Variants in NELL1 observed in about 807,000 individuals in gnomAD.
NELL1 encodes neural EGFL like 1.
Under a neutral mutation model 107.4 loss-of-function variants are expected in NELL1, and 76 were observed. The ratio of observed to expected loss-of-function variants is 0.71; its 90% CI spans 0.59 to 0.86. The LOEUF (loss-of-function observed/expected upper bound fraction) is 0.86. Among genes scored for constraint, NELL1 ranks in the 40% least tolerant of loss-of-function variants. The probability of loss-of-function intolerance (pLI) is 0.00; values close to 1 mark genes in which losing one functional copy is unlikely to be tolerated. For missense variants in NELL1, 1,024 were observed against 1,005.5 expected, an observed-to-expected ratio of 1.02 and a Z score of -0.25; for synonymous variants, 353 against 341.2, an observed-to-expected ratio of 1.03 and a Z score of -0.38.
At chr11:21,551,471 T>C (rs1856581616) in intron 16 of NELL1, among the ~76,000 whole-genome samples, 1 of 151,950 alleles carries the variant, frequency 6.6e-6, no homozygotes, top group African/African-American at 2.4e-5. Flanking sequence ...TGATATTGGC[T>C]GTAAGGACAT....
chr11:20,672,972 C>A lies in NELL1; in HGVS notation c.55+3194C>A, dbSNP rs367616230. On this transcript the variant is annotated intron_variant, in intron 1 of 19. Transcript: ENST00000357134. ...GTTTAAGTGATTCTCCTGCCTCAGC[C>A]CCCCCCCCCCCCCCCGAGTAGCTGG... Among the ~76,000 whole-genome samples the A allele has an allele frequency of 9.4e-3, 159 of 16,990 alleles. 1 individual carries two copies. Among genetic ancestry groups the A allele is most frequent in the African/African-American group, 0.057 (121 of 2,130 alleles). The allele number at this position is 16,990 out of a possible 152,430, so 11.1% of individuals were successfully genotyped here.
At chr11:20,741,821 G>T (rs74776516) in intron 2 of NELL1, among the ~76,000 whole-genome samples, 7,851 of 152,244 alleles carry the variant, frequency 0.052, 268 homozygotes, top group Non-Finnish European at 0.077. Context: ...TGATGAATAC[G>T]TAATTCTGTG....
At chr11:20,817,499 C>A (rs1287779586) in intron 3 of NELL1, among the ~76,000 whole-genome samples, 1 of 151,996 alleles carries the variant, frequency 6.6e-6, no homozygotes, top group Non-Finnish European at 1.5e-5. Flanking sequence ...CTTGTGATTT[C>A]TGTTTGTGCT....
chr11:20,847,434 A>T, intron 3 of NELL1, 149 bp from the exon 4 acceptor site: 1 of 728,342 alleles, frequency 1.4e-6, no homozygotes, highest in Non-Finnish European at 2.2e-6. Context: ...TGGGTGTCCT[A>T]CAGTGAATTG....
At chr11:21,072,513 C>T (rs922051088) in intron 12 of NELL1, among the ~76,000 whole-genome samples, 1 of 152,162 alleles carries the variant, frequency 6.6e-6, no homozygotes, top group Middle Eastern at 3.2e-3. Context: ...GAGCATTCTT[C>T]ATGCTGCAAG....
chr11:20,691,964 C>T (rs577874299), intron 2 of NELL1, among the ~76,000 whole-genome samples: 76 of 152,156 alleles, frequency 5.0e-4, no homozygotes, highest in African/African-American at 1.8e-3. Flanking sequence ...ATTTCAGATC[C>T]TGTTATTGGT....
At chr11:21,028,839 C>T (rs1852883948) in intron 12 of NELL1, among the ~76,000 whole-genome samples, 1 of 152,084 alleles carries the variant, frequency 6.6e-6, no homozygotes, top group Admixed American at 6.6e-5. Flanking sequence ...TTTTATTTCT[C>T]TTAATTTAAA....
intron 15 of NELL1, among the ~76,000 whole-genome samples, chr11:21,510,314 G>A (rs949769455): frequency 5.3e-5 from 8 of 152,194 alleles, no homozygotes; most frequent in African/African-American, 1.9e-4. Flanking sequence ...GGGGAGCACA[G>A]AATCCAAATG....
At chr11:21,497,740 C>T (rs1394644770) in intron 15 of NELL1, among the ~76,000 whole-genome samples, 1 of 151,902 alleles carries the variant, frequency 6.6e-6, no homozygotes, top group African/African-American at 2.4e-5. Context: ...ACATTTAGAT[C>T]TATCCAGTTC....
chr11:21,035,700 G>T (rs1853074612), intron 12 of NELL1, among the ~76,000 whole-genome samples: 1 of 152,042 alleles, frequency 6.6e-6, no homozygotes. Context: ...ATGTTAAAAA[G>T]TCTCTATAAA....
intron 14 of NELL1, among the ~76,000 whole-genome samples, chr11:21,247,283 A>G (rs995283822): frequency 3.3e-5 from 5 of 152,208 alleles, no homozygotes; most frequent in African/African-American, 1.2e-4. Flanking sequence ...TTAGCTTATT[A>G]TACCTTTTTT....
At position 21,371,899 on chromosome 11, in the gene NELL1, C is replaced by T. The variant is rs569713195; in HGVS notation, c.1645+951C>T. On this transcript the variant is annotated intron_variant, in intron 15 of 19. Transcript: ENST00000357134. ...TTTAGAAGCTTCTGAATTTAGATAA[C>T]ATTTTTTTATGTGCCCATTTATTAT... Among the ~76,000 whole-genome samples the T allele has an allele frequency of 4.9e-4, 74 of 152,072 alleles. 1 individual carries two copies. Among genetic ancestry groups the T allele is most frequent in the African/African-American group, 1.5e-3 (64 of 41,526 alleles).
In NELL1 at chr11:20,963,481, CAAAATAGGGTTTTAACCCTATTCAAT is replaced by C. The variant is rs768925205; in HGVS notation, c.1300+2936_1300+2961del. 1.9e-3 allele frequency among the ~76,000 whole-genome samples: 283 copies of C among 152,172 alleles called. 1 individual carries two copies. Among genetic ancestry groups the C allele is most frequent in the Middle Eastern group, 0.01 (3 of 294 alleles). Reference sequence around the variant, plus strand: ...ACCAAAAGAGCTTTGCTGGTTACAACAAAATAGGGTTTTAACCCTATTCAATAAAATAGGGTTTTAGCAACCATTCT... The same window carrying C: ...ACCAAAAGAGCTTTGCTGGTTACAACAAAATAGGGTTTTAGCAACCATTCT... On this transcript the variant is annotated intron_variant, in intron 12 of 19. Coordinates refer to ENST00000357134, the MANE Select transcript of NELL1 (RefSeq NM_006157.5).
At chr11:20,818,793 T>A (rs1248722156) in intron 3 of NELL1, among the ~76,000 whole-genome samples, 2 of 152,164 alleles carry the variant, frequency 1.3e-5, no homozygotes, top group Admixed American at 1.3e-4. Context: ...ATTAAATACA[T>A]TTGGGAAGCA....
intron 4 of NELL1, among the ~76,000 whole-genome samples, chr11:20,884,994 C>A (rs903234013): frequency 6.6e-6 from 1 of 152,164 alleles, no homozygotes; most frequent in Admixed American, 6.5e-5. Context: ...CCTAAAGAAA[C>A]CGAAGTCGGA....
At chr11:20,990,821 G>C (rs1348568905) in intron 12 of NELL1, among the ~76,000 whole-genome samples, 1 of 152,118 alleles carries the variant, frequency 6.6e-6, no homozygotes. Flanking sequence ...TGAGTACTTG[G>C]CTTCATTTCA....
At chr11:21,510,662 G>A (rs1855412768) in intron 15 of NELL1, among the ~76,000 whole-genome samples, 1 of 152,112 alleles carries the variant, frequency 6.6e-6, no homozygotes. Context: ...CTGTGACTGA[G>A]GTCCCTTTTT....
chr11:20,933,918 GC>G (rs1850669213), intron 9 of NELL1, among the ~76,000 whole-genome samples: 1 of 152,174 alleles, frequency 6.6e-6, no homozygotes, highest in Non-Finnish European at 1.5e-5. Context: ...GTGTGTTGGT[GC>G]TAGGTTTCAA....
intron 15 of NELL1, among the ~76,000 whole-genome samples, chr11:21,421,061 G>A (rs572956495): frequency 9.1e-4 from 139 of 152,234 alleles, no homozygotes; most frequent in African/African-American, 3.2e-3. Context: ...GGAAAAGGCC[G>A]TAGTATTTGC....
Sources: gnomAD v4.1 joint callset for allele counts (sites outside exome capture counted in the v4.1 genomes callset) on GRCh38, gnomAD v4.1.1 for gene constraint, MANE v1.5 for transcripts, NCBI Gene and HGNC (gene_info 2026-07-23, HGNC 2026-07-21) for gene names.